Variants in ERG observed in about 807,000 individuals in gnomAD.
ERG encodes the protein transcriptional regulator ERG.
ERG carries 9 observed loss-of-function variants against 55.3 expected under a neutral mutation model. The observed-to-expected ratio is 0.16, with a 90% CI of 0.10 to 0.28. The LOEUF (loss-of-function observed/expected upper bound fraction) is 0.28. ERG is among the 10% of genes least tolerant of loss of function. ERG has a pLI of 1.00. For missense variants in ERG, 434 were observed against 631.6 expected (o/e 0.69, Z 3.35); for synonymous variants, 223 against 237.3 (o/e 0.94, Z 0.55).
intron 2 of ERG, among the ~76,000 whole-genome samples, chr21:38,438,326 A>G (rs1330458238): frequency 6.6e-6 from 1 of 152,140 alleles, no homozygotes; most frequent in Non-Finnish European, 1.5e-5. Context: ...GACCATCTTC[A>G]CTGCTAGAAA....
Position 38,405,633 on chromosome 21 carries a change from C to T in ERG, c.389-1924G>A, listed in dbSNP as rs190801137. 1.1e-3 allele frequency among the ~76,000 whole-genome samples: 163 copies of T among 152,290 alleles called. 1 individual carries two copies. Among genetic ancestry groups the T allele is most frequent in the African/African-American group, 3.6e-3 (151 of 41,572 alleles). On this transcript the variant is annotated intron_variant, in intron 3 of 9. Coordinates refer to ENST00000288319, the MANE Select transcript of ERG (RefSeq NM_182918.4). ...TATTCCAAGCGTGGTCCTCCAACCG[C>T]GGAAGCATCAGCATCACCTGGGAGC...
intron 2 of ERG, among the ~76,000 whole-genome samples, chr21:38,427,736 C>T (rs1328612348): frequency 6.6e-6 from 1 of 152,188 alleles, no homozygotes; most frequent in East Asian, 1.9e-4. Context: ...TTAAGGTGTA[C>T]ACTAAAGCAC....
At chr21:38,646,975 G>A (rs751388243) in intron 1 of ERG, among the ~76,000 whole-genome samples, 3 of 152,120 alleles carry the variant, frequency 2.0e-5, no homozygotes, top group African/African-American at 7.2e-5. Flanking sequence ...TCAGCTCACC[G>A]GTGGCTGCCA....
At chr21:38,588,069 C>A (rs115629469), upstream of ERG, among the ~76,000 whole-genome samples, 1,930 of 152,276 alleles carry the variant, frequency 0.013, 43 homozygotes, top group African/African-American at 0.044. Context: ...CACAAAGGAT[C>A]CAAAAAGATG....
At chr21:38,568,260 T>A (rs2059935568) in intron 2 of ERG, among the ~76,000 whole-genome samples, 1 of 151,730 alleles carries the variant, frequency 6.6e-6, no homozygotes, top group Non-Finnish European at 1.5e-5. Flanking sequence ...AAAATATTAA[T>A]GTTATATAAT....
chr21:38,433,321 C>G (rs1435500704), intron 2 of ERG, among the ~76,000 whole-genome samples: 1 of 152,146 alleles, frequency 6.6e-6, no homozygotes, highest in African/African-American at 2.4e-5. Context: ...AGGACAGGAG[C>G]TGGACCACTG....
chr21:38,453,149 A>G (rs1601423910), intron 1 of ERG, among the ~76,000 whole-genome samples: 1 of 152,356 alleles, frequency 6.6e-6, no homozygotes, highest in South Asian at 2.1e-4. Flanking sequence ...CTGCAGTCAT[A>G]CTACCAAAGA....
intron 2 of ERG, among the ~76,000 whole-genome samples, chr21:38,527,234 G>A (rs1015297259): frequency 6.6e-6 from 1 of 152,150 alleles, no homozygotes; most frequent in African/African-American, 2.4e-5. Context: ...CATGGAGTGC[G>A]GCAAGAATGT....
chr21:38,614,656 C>T (rs377001596), intron 1 of ERG, among the ~76,000 whole-genome samples: 68 of 152,326 alleles, frequency 4.5e-4, no homozygotes, highest in East Asian at 1.3e-3. Context: ...TGGGGACGAA[C>T]GGCTTCCTTG....
chr21:38,472,300 A>G (rs1391008574), intron 1 of ERG, among the ~76,000 whole-genome samples: 1 of 152,220 alleles, frequency 6.6e-6, no homozygotes, highest in African/African-American at 2.4e-5. Flanking sequence ...CCAGCACTCT[A>G]TGCAATGGGT....
intron 3 of ERG, among the ~76,000 whole-genome samples, chr21:38,414,954 C>A (rs764890574): frequency 2.6e-5 from 4 of 152,134 alleles, no homozygotes; most frequent in Middle Eastern, 3.2e-3. Context: ...TAAAAATTAG[C>A]CCTGGGCAAC....
chr21:38,633,541 G>A (rs1455024517), intron 1 of ERG, among the ~76,000 whole-genome samples: 2 of 152,154 alleles, frequency 1.3e-5, no homozygotes, highest in Non-Finnish European at 2.9e-5. Flanking sequence ...CACATACCCT[G>A]CTCCATGCTA....
intron 1 of ERG, among the ~76,000 whole-genome samples, chr21:38,463,982 T>C (rs2059066509): frequency 6.6e-6 from 1 of 152,106 alleles, no homozygotes; most frequent in Admixed American, 6.6e-5. Context: ...GCAGCAAGGG[T>C]GCATCAAAGC....
intron 2 of ERG, among the ~76,000 whole-genome samples, chr21:38,520,359 C>T (rs2059585462): frequency 6.6e-6 from 1 of 152,160 alleles, no homozygotes; most frequent in African/African-American, 2.4e-5. Context: ...GCCCTCTAGA[C>T]TGAAGGATCA....
intron 6 of ERG, among the ~76,000 whole-genome samples, chr21:38,394,109 C>T (rs2836363): frequency 0.27 from 41,491 of 151,978 alleles, 5,968 homozygotes; most frequent in South Asian, 0.36. Flanking sequence ...GAAAGAAAAA[C>T]CTACTCACAA....
chr21:38,588,068 T>A (rs2060077146), upstream of ERG, among the ~76,000 whole-genome samples: 1 of 151,910 alleles, frequency 6.6e-6, no homozygotes, highest in African/African-American at 2.4e-5. Flanking sequence ...CCACAAAGGA[T>A]CCAAAAAGAT....
At chr21:38,586,378 AGG>A (rs548600908), upstream of ERG, among the ~76,000 whole-genome samples, 220 of 152,204 alleles carry the variant, frequency 1.4e-3, 1 homozygote, top group African/African-American at 4.1e-3. Context: ...AATAGATCAT[AGG>A]TCTATTCAAG....
intron 1 of ERG, among the ~76,000 whole-genome samples, chr21:38,472,696 C>T (rs572397399): frequency 6.6e-5 from 10 of 152,266 alleles, no homozygotes; most frequent in Admixed American, 5.9e-4. Context: ...AGAAAATGAA[C>T]GTTTGGAAAA....
At chr21:38,592,018 A>T (rs1009656166) in intron 1 of ERG, among the ~76,000 whole-genome samples, 5 of 152,178 alleles carry the variant, frequency 3.3e-5, no homozygotes, top group Admixed American at 6.5e-5. Flanking sequence ...TCTGGGGAAG[A>T]GGTAGAGGAA....
Sources: gnomAD v4.1 joint callset for allele counts (sites outside exome capture counted in the v4.1 genomes callset) on GRCh38, gnomAD v4.1.1 for gene constraint, MANE v1.5 for transcripts, NCBI Gene and HGNC (gene_info 2026-07-23, HGNC 2026-07-21) for gene names.